The following CDC73 variants were observed in gnomAD, a reference collection of about 807,000 sequenced individuals.
CDC73 encodes the protein cell division cycle 73.
In CDC73, 21 loss-of-function variants were observed where a neutral mutation model predicts 83.7. The ratio of observed to expected loss-of-function variants is 0.25; its 90% confidence interval spans 0.18 to 0.36. CDC73 has a LOEUF of 0.36. CDC73 is among the 10% of genes least tolerant of loss of function. The pLI is 1.00. For synonymous variants in CDC73, 224 were observed against 212.9 expected (o/e 1.05, Z -0.45); for missense variants, 342 against 653.3 (o/e 0.52, Z 5.19).
intron 10 of CDC73, among the ~76,000 whole-genome samples, chr1:193,159,007 G>A (rs1351902532): frequency 1.3e-5 from 2 of 152,232 alleles, no homozygotes; most frequent in South Asian, 2.1e-4. Context: ...AAGCCATCAC[G>A]TAAGTGAATA....
chr1:193,164,403 A>G (rs764987186), intron 10 of CDC73, among the ~76,000 whole-genome samples: 7 of 152,212 alleles, frequency 4.6e-5, no homozygotes, highest in Non-Finnish European at 8.8e-5. Flanking sequence ...TTAGTATACC[A>G]TGAGAAACTG....
At chr1:193,189,590 A>C (rs951504306) in intron 10 of CDC73, among the ~76,000 whole-genome samples, 4 of 152,210 alleles carry the variant, frequency 2.6e-5, no homozygotes, top group Non-Finnish European at 4.4e-5. Flanking sequence ...TTAATCCTAC[A>C]ACACATCCGT....
At chr1:193,130,319 G>A in intron 3 of CDC73, 76 bp downstream of exon 3, 1 of 945,030 alleles carries the variant, frequency 1.1e-6, no homozygotes, top group East Asian at 2.4e-5. Flanking sequence ...ATGATTAGAG[G>A]GAAGAGAATT....
At chr1:193,219,846 A>G (rs1677435743) in intron 13 of CDC73, among the ~76,000 whole-genome samples, 1 of 152,216 alleles carries the variant, frequency 6.6e-6, no homozygotes, top group Admixed American at 6.5e-5. Context: ...CAATATACCC[A>G]TGTAACAAAC....
chr1:193,187,102 T>TCCCCCC (rs3079946), intron 10 of CDC73, among the ~76,000 whole-genome samples: 418 of 32,058 alleles, frequency 0.013, 21 homozygotes, highest in South Asian at 0.026. Context: ...GTAATTTAGA[T>TCCCCCC]CCCCCCCCCC....
At chr1:193,192,665 A>G (rs145127452) in intron 10 of CDC73, among the ~76,000 whole-genome samples, 32 of 152,280 alleles carry the variant, frequency 2.1e-4, no homozygotes, top group African/African-American at 6.7e-4. Flanking sequence ...ACGATGGATG[A>G]ATAACGTACT....
intron 10 of CDC73, among the ~76,000 whole-genome samples, chr1:193,198,322 A>G (rs968632539): frequency 1.3e-5 from 2 of 152,234 alleles, no homozygotes; most frequent in African/African-American, 4.8e-5. Flanking sequence ...AAGTAGGACC[A>G]TTTGGAAAGT....
intron 2 of CDC73, among the ~76,000 whole-genome samples, chr1:193,128,993 A>ATTT (rs756040512): frequency 1.7e-4 from 22 of 128,930 alleles, no homozygotes; most frequent in African/African-American, 3.3e-4. Context: ...CGCCCGGCTA[A>ATTT]TTTTTTTTTT....
chr1:193,160,153 T>C (rs1245206240), intron 10 of CDC73, among the ~76,000 whole-genome samples: 1 of 152,152 alleles, frequency 6.6e-6, no homozygotes, highest in Non-Finnish European at 1.5e-5. Flanking sequence ...CCAAAACATA[T>C]TAGAGGTTTT....
chr1:193,248,168 C>G (rs944501284), intron 15 of CDC73, among the ~76,000 whole-genome samples: 1 of 151,984 alleles, frequency 6.6e-6, no homozygotes, highest in Non-Finnish European at 1.5e-5. Flanking sequence ...CCAGTGGTCA[C>G]TTAACATTCT....
At chr1:193,234,267 T>TATATATAATTTATTATATATATAATATA (rs56984104) in intron 14 of CDC73, among the ~76,000 whole-genome samples, 1 of 108,894 alleles carries the variant, frequency 9.2e-6, no homozygotes, top group Non-Finnish European at 1.8e-5. Flanking sequence ...TATAATTTAA[T>TATATATAATTTATTATATATATAATATA]TATAATATAT....
chr1:193,180,360 C>T, intron 10 of CDC73: 1 of 1,612,146 alleles, frequency 6.2e-7, no homozygotes, highest in South Asian at 1.1e-5. Context: ...AGGCATTGTG[C>T]TTATTTTGTT....
intron 1 of CDC73, 87 bp downstream of exon 1, chr1:193,122,418 T>TC: frequency 6.5e-7 from 1 of 1,545,720 alleles, no homozygotes; most frequent in Non-Finnish European, 8.9e-7. Flanking sequence ...TCCCCCCGTT[T>TC]CCCCTGGGGA....
At chr1:193,215,293 A>C (rs1339949998) in intron 13 of CDC73, among the ~76,000 whole-genome samples, 1 of 152,188 alleles carries the variant, frequency 6.6e-6, no homozygotes, top group African/African-American at 2.4e-5. Context: ...TGTTTTCTAC[A>C]ACTTGAGACC....
intron 10 of CDC73, among the ~76,000 whole-genome samples, chr1:193,191,745 A>G (rs1220161859): frequency 3.3e-5 from 5 of 152,124 alleles, no homozygotes; most frequent in Non-Finnish European, 1.5e-5. Context: ...TTTAAAATAT[A>G]TATGTAGATT....
At chr1:193,187,036 A>G (rs867055794) in intron 10 of CDC73, among the ~76,000 whole-genome samples, 32 of 125,298 alleles carry the variant, frequency 2.6e-4, no homozygotes, top group Middle Eastern at 6.2e-3. Context: ...ATTGCTCTTG[A>G]TTTTTTACTA....
At chr1:193,141,804 T>A in intron 6 of CDC73, 46 bp from the exon 7 acceptor site, 1 of 1,186,098 alleles carries the variant, frequency 8.4e-7, no homozygotes, top group Non-Finnish European at 1.2e-6. Context: ...TATGATACAC[T>A]CCAGGAATGC....
rs893203101 is a variant in CDC73, at chr1:193,252,422, A to G, written c.*1710A>G. The stretch of plus-strand genomic sequence containing the variant: ...TGTAAGATTACTTGTCAAGACTACT[A>G]CAAGTCAGTATGAACTACCTTCCCA... On this transcript the variant is annotated 3_prime_UTR_variant, in exon 17 of 17. Transcript: ENST00000367435. 4 of 230,018 alleles carry G rather than the reference A, an allele frequency of 1.7e-5. No homozygotes were observed. The highest frequency in any genetic ancestry group is 4.4e-5 in the African/African-American group (2 of 45,220). The allele number at this position is 230,018 out of a possible 1,614,324, so 14.2% of individuals were successfully genotyped here. A position where few individuals can be genotyped will look rare whatever the true frequency, so the allele number is the denominator to read the frequency against.
rs1558326418 is a variant in CDC73 at position 193,250,683 on chromosome 1, G to T, written c.1567G>T (p.Val523Leu). ...CCATAATATTTTTTTCAGGTACATG[G>T]TAAAGCATAAATCGCACTTGAGATT... ...RFWETLDRYM[V>L]KHKSHLRF Residue 523 changes from valine (V) to leucine (L), a missense_variant, in exon 17 of 17, where the codon GTA becomes TTA. By Grantham distance (32) the Val-to-Leu change is conservative. Coordinates refer to ENST00000367435, the MANE Select transcript of CDC73 (RefSeq NM_024529.5). The T allele has an allele frequency of 1.2e-6, 2 of 1,607,776 alleles. No individual in the cohort carries two copies. Among genetic ancestry groups the T allele is most frequent in the Non-Finnish European group, 1.7e-6 (2 of 1,175,178 alleles).
Sources: gnomAD v4.1 joint callset for allele counts (sites outside exome capture counted in the v4.1 genomes callset) on GRCh38, gnomAD v4.1.1 for gene constraint, MANE v1.5 for transcripts, NCBI Gene and HGNC (gene_info 2026-07-23, HGNC 2026-07-21) for gene names.